The following KRT6B variants were observed in gnomAD, a reference collection of about 807,000 sequenced individuals.
KRT6B encodes keratin, type II cytoskeletal 6B.
KRT6B carries 29 observed loss-of-function variants against 44.7 expected under a neutral mutation model. The ratio of observed to expected loss-of-function variants is 0.65; its 90% CI spans 0.48 to 0.88. The LOEUF (loss-of-function observed/expected upper bound fraction) is 0.88. Among genes scored for constraint, KRT6B ranks in the 40% least tolerant of loss-of-function variants. The pLI is 0.00. For synonymous variants in KRT6B, 213 were observed against 296.0 expected (o/e 0.72, Z 2.88); for missense variants, 600 against 724.0 (o/e 0.83, Z 1.97).
rs764052533 is a variant in KRT6B, at chr12:52,450,451, G to A, written c.710C>T (p.Ser237Leu). The change falls in exon 2 of 9, where the codon TCG becomes TTG. Residue 237 changes from serine (S) to leucine (L), a missense_variant. Around this residue, in one of 4 missense-constraint regions of KRT6B, gnomAD observed 479 missense variants for 454.2 expected, o/e 1.05. Transcript: ENST00000252252. ...NIVGERGRLD[S>L]ELRNMQDLVE... is the part of the protein sequence containing the mutation. ...CAGGTCCTGCATGTTTCTCAGCTCC[G>A]AGTCCAGACGACCCCGTTCCCCCAC... 15 of 1,614,016 alleles carry A rather than the reference G, an allele frequency of 9.3e-6. No homozygotes were observed. Among genetic ancestry groups the A allele is most frequent in the African/African-American group, 1.3e-5 (1 of 74,866 alleles).
chr12:52,447,645 T>A (rs1281143162), intron 7 of KRT6B, 72 bp from the exon 8 acceptor site: 7 of 1,613,750 alleles, frequency 4.3e-6, no homozygotes, highest in Non-Finnish European at 5.9e-6. Flanking sequence ...GGTGGGAAAG[T>A]CCATGGGAAA....
In KRT6B at chr12:52,450,338, C is replaced by T. The variant is rs1252454266; in HGVS notation, c.755+68G>A. 6 of 1,564,206 alleles carry T rather than the reference C, an allele frequency of 3.8e-6. No homozygotes were observed. The African/African-American group carries it at 6.8e-5, about 18-fold the overall frequency. On this transcript the variant is annotated intron_variant, in intron 2 of 8. Coordinates refer to ENST00000252252, the MANE Select transcript of KRT6B (RefSeq NM_005555.4). Reference sequence around the variant, plus strand: ...TCCATGGACATGGGTTGTTAGGAATCCTACACACATCTGGCCCTGGTCACC... The same window carrying T: ...TCCATGGACATGGGTTGTTAGGAATTCTACACACATCTGGCCCTGGTCACC...
rs781042956 is a variant in KRT6B, at chr12:52,449,505, C to T, written c.1041G>A (p.Arg347=). ...VKAQYEEIAQ[R]SRAEAESWYQ... ...ACCAGGACTCAGCCTCAGCCCTGCT[C>T]CTCTGAGCAATCTCCTCATATTGGG... is the stretch of plus-strand genomic sequence containing the variant. Residue 347 remains arginine, a synonymous_variant, in exon 5 of 9, where the codon AGG becomes AGA. Coordinates refer to ENST00000252252, the MANE Select transcript of KRT6B (RefSeq NM_005555.4). 1.1e-5 allele frequency: 18 copies of T among 1,614,052 alleles called. No homozygotes were observed. The South Asian group carries it at 1.3e-4, about 12-fold the overall frequency.
In KRT6B at chr12:52,450,051, C is replaced by T; in HGVS notation, c.777G>A (p.Lys259=). 1 of 1,613,974 alleles carries T rather than the reference C, an allele frequency of 6.2e-7. No individual in the cohort carries two copies. The highest frequency in any genetic ancestry group is 2.2e-5 in the East Asian group (1 of 44,894). The change falls in exon 3 of 9, where the codon AAG becomes AAA. Residue 259 remains lysine (K), a synonymous_variant. Coordinates refer to ENST00000252252, the MANE Select transcript of KRT6B (RefSeq NM_005555.4). ...CAAATTCATTCTCTGCTGCTGTGCG[C>T]TTGTTGATTTCATCCTCATATCTAC... ...LKNKYEDEIN[K]RTAAENEFVT... is the part of the protein sequence containing the mutation.
Position 52,448,889 on chromosome 12 carries a change from G to T in KRT6B, c.1156C>A (p.Arg386Ser), listed in dbSNP as rs767313923. 1 of 1,613,956 alleles carries T rather than the reference G, an allele frequency of 6.2e-7. No individual in the cohort carries two copies. The highest frequency in any genetic ancestry group is 1.1e-5 in the South Asian group (1 of 91,050). Residue 386 changes from arginine (R) to serine (S), a missense_variant, in exon 6 of 9, where the codon CGC (arginine) becomes AGC (serine). Around this residue, in one of 4 missense-constraint regions of KRT6B, gnomAD observed 479 missense variants for 454.2 expected, o/e 1.05. Transcript: ENST00000252252. ...TCAGATCTCAGCCTCTGGATCATGC[G>T]GTTGATCTCAGCAATCTCCTGCTTG... ...NTKQEIAEIN[R>S]MIQRLRSEID...
chr12:52,447,080 G>T lies in KRT6B; in HGVS notation c.*110C>A, dbSNP rs75893729. ...AAGTGAGGGCATCCCAGCTCTACCCGGGAGGGCAGGGGAGACTGGAGGCCA... is the reference window on the plus strand; with the variant it reads ...AAGTGAGGGCATCCCAGCTCTACCCTGGAGGGCAGGGGAGACTGGAGGCCA... On this transcript the variant is annotated 3_prime_UTR_variant, in exon 9 of 9. Transcript: ENST00000252252. 22 of 1,392,534 alleles carry T rather than the reference G, an allele frequency of 1.6e-5. No individual in the cohort carries two copies. The African/African-American group carries it at 2.2e-4, about 14-fold the overall frequency. The allele number at this position is 1,392,534 out of a possible 1,614,324, so 86.3% of individuals were successfully genotyped here.
chr12:52,451,324 T>C (rs1246216678), intron 1 of KRT6B, among the ~76,000 whole-genome samples: 1 of 146,096 alleles, frequency 6.8e-6, no homozygotes, highest in Admixed American at 6.9e-5. Context: ...AAGTTATGGC[T>C]CTCCCTAGGC....
rs977181847 is a variant in KRT6B at position 52,446,894 on chromosome 12, C to T, written c.*296G>A. ...GCTGGACCTAGACTGAGTTTCAGTT[C>T]TTATGGGGATATAGGTCATTTTCTT... On this transcript the variant is annotated 3_prime_UTR_variant, in exon 9 of 9. Coordinates refer to ENST00000252252, the MANE Select transcript of KRT6B (RefSeq NM_005555.4). 34 of 475,794 alleles carry T rather than the reference C, an allele frequency of 7.1e-5. No individual in the cohort carries two copies. Among genetic ancestry groups the T allele is most frequent in the Non-Finnish European group, 7.6e-5 (20 of 263,202 alleles). 29.5% of individuals were successfully genotyped at this position (475,794 alleles called of 1,614,324 possible). A position where few individuals can be genotyped will look rare whatever the true frequency, so the allele number is the denominator to read the frequency against.
In KRT6B at chr12:52,450,932, G is replaced by C. The variant is rs1410406323; in HGVS notation, c.541-312C>G. Among the ~76,000 whole-genome samples, 7 of 152,156 alleles carry C rather than the reference G, an allele frequency of 4.6e-5. No individual in the cohort carries two copies. In the East Asian group the frequency reaches 1.3e-3, roughly 29 times the overall value. On this transcript the variant is annotated intron_variant, in intron 1 of 8. Coordinates refer to ENST00000252252, the MANE Select transcript of KRT6B (RefSeq NM_005555.4). ...TCTAGTTTAAAAATACTAATTACCT[G>C]ATATATTGTACACAGTTTTTTTTAC...
At position 52,447,494 on chromosome 12, in the gene KRT6B, A is replaced by C. The variant is rs758094526; in HGVS notation, c.1459+45T>G. ...TCATCCTGCCGGCCTGAGCCCAGTC[A>C]GGAGAGTGCAAGGGCAGGGGAGGAA... On this transcript the variant is annotated intron_variant, in intron 8 of 8. Coordinates refer to ENST00000252252, the MANE Select transcript of KRT6B (RefSeq NM_005555.4). 2.5e-6 allele frequency: 4 copies of C among 1,614,030 alleles called. No individual in the cohort carries two copies. The Admixed American group carries it at 6.7e-5, about 27-fold the overall frequency.
At chr12:52,448,445 C>T (rs1380259191) in intron 6 of KRT6B, among the ~76,000 whole-genome samples, 2 of 152,208 alleles carry the variant, frequency 1.3e-5, no homozygotes, top group Non-Finnish European at 2.9e-5. Flanking sequence ...CGTTTTCCTT[C>T]CTCATAGCCC....
intron 4 of KRT6B, 52 bp downstream of exon 4, chr12:52,449,706 T>C: frequency 6.2e-7 from 1 of 1,614,130 alleles, no homozygotes; most frequent in Admixed American, 1.7e-5. Flanking sequence ...GTACATCTTC[T>C]CCCCTTTGCA....
rs754076285 is a variant in KRT6B, at chr12:52,447,997, C to T, written c.1205G>A (p.Cys402Tyr). Residue 402 changes from cysteine (C) to tyrosine (Y), a missense_variant and splice_region_variant, in exon 7 of 9, where the codon TGT becomes TAT. Transcript: ENST00000252252. ...RSEIDHVKKQCANLQAAIADA... is the reference protein window; with the variant it reads ...RSEIDHVKKQYANLQAAIADA... ...AGCAATGGCGGCCTGTAGGTTGGCA[C>T]ACTAGGAGGGCAAAGGAAGAGAAAG... 9.9e-6 allele frequency: 16 copies of T among 1,613,954 alleles called. No individual in the cohort carries two copies. The East Asian group carries it at 2.0e-4, about 20-fold the overall frequency.
At position 52,449,579 on chromosome 12, in the gene KRT6B, C is replaced by T. The variant is rs1338389811; in HGVS notation, c.967G>A (p.Asp323Asn). 1 of 1,614,070 alleles carries T rather than the reference C, an allele frequency of 6.2e-7. No individual in the cohort carries two copies. The highest frequency in any genetic ancestry group is 8.5e-7 in the Non-Finnish European group (1 of 1,180,034). The change falls in exon 5 of 9, where the codon GAC becomes AAC. Residue 323 changes from aspartate to asparagine, a missense_variant. Transcript: ENST00000252252. ...ISDTSVVLSM[D>N]NNRNLDLDSI... ...TCCAGGTCCAGGTTGCGGTTGTTGT[C>T]CATGGATAGCACCACGGATGTGTCT... is the stretch of plus-strand genomic sequence containing the variant.
rs145091946 is a variant in KRT6B at position 52,449,582 on chromosome 12, T to C, written c.964A>G (p.Met322Val). The change falls in exon 5 of 9, where the codon ATG becomes GTG. Residue 322 changes from methionine (M) to valine (V), a missense_variant. By Grantham distance (21) the Met-to-Val change is conservative. Around this residue, in one of 4 missense-constraint regions of KRT6B, gnomAD observed 479 missense variants for 454.2 expected, o/e 1.05. Transcript: ENST00000252252. ...AGGTCCAGGTTGCGGTTGTTGTCCA[T>C]GGATAGCACCACGGATGTGTCTGAG... is the stretch of plus-strand genomic sequence containing the variant. ...HISDTSVVLSMDNNRNLDLDS... is the reference protein window; with the variant it reads ...HISDTSVVLSVDNNRNLDLDS... 8.1e-6 allele frequency: 13 copies of C among 1,614,102 alleles called. No individual in the cohort carries two copies. Among genetic ancestry groups the C allele is most frequent in the African/African-American group, 1.3e-5 (1 of 74,942 alleles).
In KRT6B at chr12:52,447,105, A is replaced by C; in HGVS notation, c.*85T>G. ...GGGAGGGCAGGGGAGACTGGAGGCC[A>C]GGGGAGGACAAGCAACCTGAGGAGA... is the stretch of plus-strand genomic sequence containing the variant. On this transcript the variant is annotated 3_prime_UTR_variant, in exon 9 of 9. Coordinates refer to ENST00000252252, the MANE Select transcript of KRT6B (RefSeq NM_005555.4). The C allele has an allele frequency of 6.4e-7, 1 of 1,565,388 alleles. No homozygotes were observed. Among genetic ancestry groups the C allele is most frequent in the South Asian group, 1.2e-5 (1 of 85,120 alleles).
chr12:52,447,843 G>T lies in KRT6B; in HGVS notation c.1359C>A (p.Asn453Lys), dbSNP rs145280284. The change falls in exon 7 of 9, where the codon AAC (asparagine) becomes AAA (lysine). Residue 453 changes from asparagine (N) to lysine (K), a missense_variant. Physicochemically the swap from Asn to Lys is moderately conservative, Grantham distance 94. Transcript: ENST00000252252. ...TCTCCACATCCAGGGCCAGCTTGAC[G>T]TTCATCAGCTCCTGGTACTCCTTCA... ...RLLKEYQELM[N>K]VKLALDVEIA... is the part of the protein sequence containing the mutation. 1.2e-6 allele frequency: 2 copies of T among 1,614,102 alleles called. No homozygotes were observed. Among genetic ancestry groups the T allele is most frequent in the African/African-American group, 2.7e-5 (2 of 75,016 alleles).
intron 6 of KRT6B, among the ~76,000 whole-genome samples, chr12:52,448,403 C>T (rs1940346567): frequency 6.6e-6 from 1 of 152,194 alleles, no homozygotes; most frequent in African/African-American, 2.4e-5. Context: ...TTGCCTTCCT[C>T]CTGCCTCACA....
Position 52,448,002 on chromosome 12 carries a change from G to C in KRT6B, c.1204-4C>G, listed in dbSNP as rs1353167593. The C allele has an allele frequency of 1.2e-6, 2 of 1,614,010 alleles. No individual in the cohort carries two copies. Among genetic ancestry groups the C allele is most frequent in the African/African-American group, 2.7e-5 (2 of 74,932 alleles). ...TGGCGGCCTGTAGGTTGGCACACTAGGAGGGCAAAGGAAGAGAAAGAACTT... is the reference window on the plus strand; with the variant it reads ...TGGCGGCCTGTAGGTTGGCACACTACGAGGGCAAAGGAAGAGAAAGAACTT... On this transcript the variant is annotated splice_polypyrimidine_tract_variant and splice_region_variant and intron_variant, in intron 6 of 8. Coordinates refer to ENST00000252252, the MANE Select transcript of KRT6B (RefSeq NM_005555.4).
Sources: allele counts gnomAD v4.1 joint callset (sites outside exome capture counted in the v4.1 genomes callset), GRCh38; gene constraint gnomAD v4.1.1; regional missense constraint gnomAD v4.1.1; transcripts MANE v1.5; gene names NCBI Gene and HGNC (gene_info 2026-07-23, HGNC 2026-07-21).